Variants in NCOR2 observed in about 807,000 individuals in gnomAD.
NCOR2 encodes CTG repeat protein 26.
A neutral mutation model predicts 262.9 loss-of-function variants in NCOR2; 81 were observed. That is an observed-to-expected ratio of 0.31 (90% confidence interval 0.26 to 0.37). The LOEUF is 0.37. Ranked by LOEUF, NCOR2 falls within the 10% of genes least tolerant of loss-of-function variation. The probability of loss-of-function intolerance (pLI) is 1.00; values close to 1 mark genes in which losing one functional copy is unlikely to be tolerated. For synonymous variants in NCOR2, 1,659 were observed against 1,559.3 expected, an observed-to-expected ratio of 1.06 and a Z score of -1.51; for missense variants, 3,385 against 3,621.4, an observed-to-expected ratio of 0.93 and a Z score of 1.68.
At chr12:124,349,160 C>T (rs2037207969) in intron 28 of NCOR2, among the ~76,000 whole-genome samples, 1 of 152,186 alleles carries the variant, frequency 6.6e-6, no homozygotes, top group Non-Finnish European at 1.5e-5. Context: ...GCCAAAGGAG[C>T]CTACATGGGC....
At chr12:124,452,780 C>A (rs1312908848) in intron 6 of NCOR2, among the ~76,000 whole-genome samples, 3 of 152,152 alleles carry the variant, frequency 2.0e-5, no homozygotes, top group African/African-American at 7.2e-5. Flanking sequence ...AAGGCCACTT[C>A]CACTTGGTGG....
chr12:124,334,404 C>T lies in NCOR2; in HGVS notation c.6605+20G>A, dbSNP rs965231791. 2.6e-6 allele frequency: 4 copies of T among 1,517,298 alleles called. No homozygotes were observed. The East Asian group carries it at 8.1e-5, about 31-fold the overall frequency. 94.0% of individuals were successfully genotyped at this position (1,517,298 alleles called of 1,614,324 possible). ...CTCCCGCCGGCTGACCAGCAAGAGG[C>T]ACCCCCATCCCTCGCTCACCTCTTG... On this transcript the variant is annotated intron_variant, in intron 41 of 46. Transcript: ENST00000405201.
exon 43 of NCOR2, chr12:124,332,335 C>G (rs2035271900): frequency 1.2e-6 from 2 of 1,614,188 alleles, no homozygotes; most frequent in South Asian, 1.1e-5. Context: ...CAGGCTCATT[C>G]CGGTTGTGGG....
rs768016051 is a variant in NCOR2 at position 124,334,471 on chromosome 12, G to C, written c.6558C>G (p.Asp2186Glu). The C allele has an allele frequency of 2.8e-4, 413 of 1,472,328 alleles. 1 individual carries two copies. The highest frequency in any genetic ancestry group is 3.8e-4 in the Admixed American group (15 of 39,170). The allele number at this position is 1,472,328 out of a possible 1,614,324, so 91.2% of individuals were successfully genotyped here. The change falls in exon 41 of 47, where the codon GAC becomes GAG. Residue 2186 changes from aspartate (D) to glutamate (E), a missense_variant. Asp to Glu is a conservative substitution (Grantham distance 45). Around this residue, in one of 5 missense-constraint regions of NCOR2, gnomAD observed 1,017 missense variants for 967.2 expected, o/e 1.05. Transcript: ENST00000405201. The stretch of plus-strand genomic sequence containing the variant: ...GGGAGCCACGGGCCGGGGCACCATG[G>C]TCCGGGGGCGGGAGGTAGAGGTCAC...
At chr12:124,476,326 GTTC>G (rs1040228090) in intron 3 of NCOR2, among the ~76,000 whole-genome samples, 6 of 152,204 alleles carry the variant, frequency 3.9e-5, no homozygotes, top group African/African-American at 1.4e-4. Flanking sequence ...ATTTCTTGAG[GTTC>G]TTAAGACAAA....
upstream of NCOR2, among the ~76,000 whole-genome samples, chr12:124,495,949 T>G (rs1593824563): frequency 6.7e-6 from 1 of 149,778 alleles, no homozygotes; most frequent in East Asian, 2.0e-4. This position sits in a 1 kb window ranked among gnomAD's most constrained non-coding sequence, Gnocchi z 4.4. Context: ...AACTAGGAGG[T>G]GGGATTAGGA....
chr12:124,515,726 AT>A (rs1277754867), intron 1 of NCOR2, among the ~76,000 whole-genome samples: 1 of 150,592 alleles, frequency 6.6e-6, no homozygotes, highest in African/African-American at 2.4e-5. Flanking sequence ...TATGGTGTGT[AT>A]GTTCACAAGT....
At chr12:124,426,860 G>A in intron 10 of NCOR2, 60 bp from the exon 13 acceptor site, 2 of 1,467,856 alleles carry the variant, frequency 1.4e-6, no homozygotes, top group South Asian at 1.4e-5. Context: ...GGCCGGCGCA[G>A]GGGACCCAGG....
At chr12:124,554,701 G>A (rs890840833) in intron 1 of NCOR2, among the ~76,000 whole-genome samples, 1 of 152,234 alleles carries the variant, frequency 6.6e-6, no homozygotes, top group Non-Finnish European at 1.5e-5. Context: ...CACCTTCCAC[G>A]TTCCCACTGA....
At chr12:124,502,961 C>T (rs1231929469) in intron 1 of NCOR2, among the ~76,000 whole-genome samples, 1 of 152,318 alleles carries the variant, frequency 6.6e-6, no homozygotes, top group African/African-American at 2.4e-5. Flanking sequence ...CTCCTTGGCC[C>T]TCACTTGGCA....
At position 124,545,068 on chromosome 12, in the gene NCOR2, G is replaced by C. The variant is rs574496681; in HGVS notation, c.-164-9457C>G. Among the ~76,000 whole-genome samples, 11 of 152,180 alleles carry C rather than the reference G, an allele frequency of 7.2e-5. 1 individual carries two copies. Among genetic ancestry groups the C allele is most frequent in the African/African-American group, 2.4e-4 (10 of 41,504 alleles). ...ACTCTGAAGAGAAATTTACAACCTG[G>C]CACCCAGCAGTGCTCAGTTGAAGCT... On this transcript the variant is annotated intron_variant, in intron 1 of 32. Transcript: ENST00000458234.
chr12:124,473,107 C>T (rs1336883854), exon 4 of NCOR2: 2 of 1,613,966 alleles, frequency 1.2e-6, no homozygotes, highest in Non-Finnish European at 1.7e-6. Context: ...GACACCGGTT[C>T]CAGCTTGCCC....
exon 37 of NCOR2, chr12:124,340,187 C>CGCTGCTGCT (rs757631453): frequency 8.1e-6 from 13 of 1,609,366 alleles, no homozygotes; most frequent in South Asian, 2.2e-5. Context: ...CCGCTGCTGC[C>CGCTGCTGCT]GCTGCTCTGC....
At chr12:124,375,931 C>T (rs2039958244) in intron 18 of NCOR2, among the ~76,000 whole-genome samples, 1 of 152,214 alleles carries the variant, frequency 6.6e-6, no homozygotes, top group African/African-American at 2.4e-5. Flanking sequence ...CGGGGAGATT[C>T]AGGCAGGGCA....
chr12:124,427,253 C>A (rs2043604344), intron 10 of NCOR2, among the ~76,000 whole-genome samples: 2 of 152,158 alleles, frequency 1.3e-5, no homozygotes, highest in African/African-American at 4.8e-5. Context: ...CAGAGAGGGT[C>A]AGCGCCTCGC....
chr12:124,508,600 C>T (rs545762930), intron 1 of NCOR2, among the ~76,000 whole-genome samples: 21 of 152,310 alleles, frequency 1.4e-4, no homozygotes, highest in Non-Finnish European at 2.8e-4. Flanking sequence ...AGCAGAGACC[C>T]AGGAATGTGG....
chr12:124,495,272 A>G, upstream of NCOR2: 1 of 1,605,176 alleles, frequency 6.2e-7, no homozygotes. The surrounding 1 kb of genome is among the most constrained non-coding windows in gnomAD (Gnocchi z 4.4). Flanking sequence ...GTCGGCGGGG[A>G]GCTGCTCCCA....
intron 1 of NCOR2, among the ~76,000 whole-genome samples, chr12:124,488,882 C>T (rs968598973): frequency 8.5e-5 from 13 of 152,062 alleles, no homozygotes; most frequent in African/African-American, 1.7e-4. Context: ...GAAGTGGGGG[C>T]TGGGGAGGCC....
chr12:124,503,590 G>A lies in NCOR2; in HGVS notation c.-117-8222C>T, dbSNP rs1228308642. Among the ~76,000 whole-genome samples, 4 of 142,672 alleles carry A rather than the reference G, an allele frequency of 2.8e-5. No homozygotes were observed. Among genetic ancestry groups the A allele is most frequent in the Non-Finnish European group, 4.5e-5 (3 of 66,576 alleles). The allele number at this position is 142,672 out of a possible 152,430, so 93.6% of individuals were successfully genotyped here. ...ATAGATGGAAGACGGACGGATGGAC[G>A]GATGGATGGATGGACGGACGGACGG... On this transcript the variant is annotated intron_variant, in intron 1 of 46. Transcript: ENST00000404621. This position sits in a 1 kb window ranked among gnomAD's most constrained non-coding sequence, Gnocchi z 4.3.
Sources: allele counts gnomAD v4.1 joint callset (sites outside exome capture counted in the v4.1 genomes callset), GRCh38; gene constraint gnomAD v4.1.1; regional missense constraint gnomAD v4.1.1; non-coding constraint Gnocchi (gnomAD v3.1); transcripts MANE v1.5; gene names NCBI Gene and HGNC (gene_info 2026-07-23, HGNC 2026-07-21).